The following KAZN variants were observed in gnomAD, a reference collection of about 807,000 sequenced individuals.
KAZN encodes the protein kazrin.
KAZN carries 40 observed loss-of-function variants against 87.4 expected under a neutral mutation model. That is an observed-to-expected ratio of 0.46 (90% CI 0.36 to 0.60). The LOEUF (loss-of-function observed/expected upper bound fraction) is 0.60, where lower values mean the gene tolerates loss of function less well. Among genes scored for constraint, KAZN ranks in the 20% least tolerant of loss-of-function variants. KAZN has a pLI of 0.00. For missense variants in KAZN, 898 were observed against 1,073.9 expected, an observed-to-expected ratio of 0.84 and a Z score of 2.29; for synonymous variants, 466 against 458.3, an observed-to-expected ratio of 1.02 and a Z score of -0.22.
intron 2 of KAZN, among the ~76,000 whole-genome samples, chr1:15,018,471 A>AT (rs1350226130): frequency 5.4e-4 from 80 of 148,492 alleles, no homozygotes; most frequent in Middle Eastern, 3.5e-3. Context: ...GTTCTCTGTG[A>AT]TTTTTTTTTT....
At chr1:14,825,705 C>A (rs1393594736) in intron 1 of KAZN, among the ~76,000 whole-genome samples, 1 of 152,150 alleles carries the variant, frequency 6.6e-6, no homozygotes, top group African/African-American at 2.4e-5. Context: ...GCACTTAATC[C>A]CCAAGCTGCA....
intron 1 of KAZN, among the ~76,000 whole-genome samples, chr1:14,749,987 A>G (rs6704226): frequency 0.37 from 56,066 of 151,820 alleles, 10,768 homozygotes; most frequent in Middle Eastern, 0.48. Context: ...GTAAAATGAC[A>G]TAGAACAAAG....
chr1:14,498,286 C>G (rs530592428), intron 2 of KAZN, among the ~76,000 whole-genome samples: 148 of 152,332 alleles, frequency 9.7e-4, no homozygotes, highest in Non-Finnish European at 1.9e-3. Context: ...AGGTCGTGTC[C>G]ACTCACCACT....
In KAZN at chr1:14,260,667, G is replaced by A. The variant is rs556145002; in HGVS notation, c.249+80075G>A. Among the ~76,000 whole-genome samples the A allele has an allele frequency of 2.0e-5, 3 of 152,294 alleles. No homozygotes were observed. The South Asian group carries it at 6.2e-4, about 32-fold the overall frequency. ...TGAGTAAAGGACACGGGCCCGGCTG[G>A]CAGGCACCAGGCTGCTCAGCTGTGC... On this transcript the variant is annotated intron_variant, in intron 2 of 16. Coordinates refer to the KAZN transcript ENST00000636203.
chr1:14,376,246 T>G (rs1006520167), intron 2 of KAZN, among the ~76,000 whole-genome samples: 5 of 152,134 alleles, frequency 3.3e-5, no homozygotes, highest in African/African-American at 1.2e-4. Flanking sequence ...ATACAGTACT[T>G]TCATCAGTGA....
intron 1 of KAZN, among the ~76,000 whole-genome samples, chr1:14,032,288 A>C (rs1185116642): frequency 6.6e-6 from 1 of 152,176 alleles, no homozygotes; most frequent in Non-Finnish European, 1.5e-5. Context: ...ATCAACCAAC[A>C]CTGTGAGGTC....
chr1:14,799,763 A>G (rs1645949660), intron 1 of KAZN, among the ~76,000 whole-genome samples: 1 of 151,962 alleles, frequency 6.6e-6, no homozygotes, highest in Admixed American at 6.5e-5. Flanking sequence ...TTTTTTTTGG[A>G]AAAGTAGGCT....
At chr1:14,211,138 C>G (rs538043637) in intron 2 of KAZN, among the ~76,000 whole-genome samples, 1 of 152,122 alleles carries the variant, frequency 6.6e-6, no homozygotes, top group Non-Finnish European at 1.5e-5. Context: ...ACTCATACAC[C>G]CAAATTGCAG....
In KAZN at chr1:14,416,999, T is replaced by G. The variant is rs186035492; in HGVS notation, c.250-181984T>G. 5.1e-3 allele frequency among the ~76,000 whole-genome samples: 420 copies of G among 82,260 alleles called. 13 individuals are homozygous for G. In the Admixed American group the frequency reaches 0.062, roughly 12 times the overall value. 54.0% of individuals were successfully genotyped at this position (82,260 alleles called of 152,430 possible). On this transcript the variant is annotated intron_variant, in intron 2 of 16. Transcript: ENST00000636203. Reference sequence around the variant, plus strand: ...ATATATGTGTATATATATGTGTGTATGTATATATATGTACACACACACACA... The same window carrying G: ...ATATATGTGTATATATATGTGTGTAGGTATATATATGTACACACACACACA...
chr1:14,577,946 A>G (rs1215254529), intron 2 of KAZN, among the ~76,000 whole-genome samples: 4 of 152,266 alleles, frequency 2.6e-5, no homozygotes, highest in African/African-American at 4.8e-5. Context: ...TCAAAAGTCC[A>G]AACCCTGTGT....
At chr1:14,994,533 AC>A (rs1667685760) in intron 2 of KAZN, among the ~76,000 whole-genome samples, 1 of 152,090 alleles carries the variant, frequency 6.6e-6, no homozygotes, top group East Asian at 1.9e-4. Context: ...ACTCCGGGTC[AC>A]CCCGGGAATA....
intron 2 of KAZN, among the ~76,000 whole-genome samples, chr1:15,020,592 G>A (rs569448683): frequency 2.2e-4 from 34 of 152,234 alleles, no homozygotes; most frequent in Admixed American, 1.4e-3. Flanking sequence ...TCTGCGTCAC[G>A]TGTGGCCATC....
At chr1:14,367,920 A>G (rs572801040) in intron 2 of KAZN, among the ~76,000 whole-genome samples, 1 of 152,090 alleles carries the variant, frequency 6.6e-6, no homozygotes, top group Non-Finnish European at 1.5e-5. Context: ...TGACCCCTTT[A>G]TATCTTTCAA....
intron 2 of KAZN, among the ~76,000 whole-genome samples, chr1:14,513,218 A>G (rs2148448322): frequency 6.6e-6 from 1 of 152,262 alleles, no homozygotes; most frequent in East Asian, 1.9e-4. Context: ...CTTCTCCTTC[A>G]GGCGTGGTAT....
intron 2 of KAZN, among the ~76,000 whole-genome samples, chr1:14,232,850 A>G (rs547845423): frequency 6.6e-6 from 1 of 152,348 alleles, no homozygotes; most frequent in Non-Finnish European, 1.5e-5. Flanking sequence ...CAAGATGTCA[A>G]TTGCAAAGAA....
chr1:14,548,238 C>G (rs1448376503), intron 2 of KAZN, among the ~76,000 whole-genome samples: 1 of 149,484 alleles, frequency 6.7e-6, no homozygotes. Flanking sequence ...TTGCTCTGTC[C>G]CCCAGACTGG....
In KAZN at chr1:15,103,771, G is replaced by A. The variant is rs556688741; in HGVS notation, c.1882-252G>A. Among the ~76,000 whole-genome samples, 20 of 152,310 alleles carry A rather than the reference G, an allele frequency of 1.3e-4. No individual in the cohort carries two copies. In the East Asian group the frequency reaches 2.9e-3, roughly 22 times the overall value. On this transcript the variant is annotated intron_variant, in intron 12 of 14. Transcript: ENST00000376030. The stretch of plus-strand genomic sequence containing the variant: ...GAGCCAGCCCCACTCTCCTAAGCAA[G>A]TGTGGGGTTGAGATTCATTTAACAA...
chr1:14,092,419 T>G (rs1644019555), intron 1 of KAZN, among the ~76,000 whole-genome samples: 1 of 150,422 alleles, frequency 6.6e-6, no homozygotes, highest in African/African-American at 2.4e-5. Context: ...AAGAAATATA[T>G]AATTGGTATA....
At chr1:14,741,044 C>A (rs1644083172) in intron 1 of KAZN, among the ~76,000 whole-genome samples, 1 of 152,164 alleles carries the variant, frequency 6.6e-6, no homozygotes, top group South Asian at 2.1e-4. Context: ...GCAGCTGGGG[C>A]AGGATCATGC....
Sources: gnomAD v4.1 joint callset for allele counts (sites outside exome capture counted in the v4.1 genomes callset) on GRCh38, gnomAD v4.1.1 for gene constraint, MANE v1.5 for transcripts, NCBI Gene and HGNC (gene_info 2026-07-23, HGNC 2026-07-21) for gene names.